Variants in ITPR2 observed in about 807,000 individuals in gnomAD.
ITPR2 encodes the protein inositol 1,4,5-trisphosphate-gated calcium channel ITPR2.
In ITPR2, 207 loss-of-function variants were observed where a neutral mutation model predicts 317.1. The ratio of observed to expected loss-of-function variants is 0.65; its 90% CI spans 0.58 to 0.73. The LOEUF (loss-of-function observed/expected upper bound fraction) is 0.73. ITPR2 is among the 30% of genes least tolerant of loss of function. The probability of loss-of-function intolerance (pLI) is 0.00; values close to 1 mark genes in which losing one functional copy is unlikely to be tolerated. For missense variants in ITPR2, 2,613 were observed against 3,284.0 expected (o/e 0.80, Z 4.99); for synonymous variants, 1,156 against 1,149.1 (o/e 1.01, Z -0.12).
At chr12:26,418,118 G>A (rs1330231042) in intron 50 of ITPR2, among the ~76,000 whole-genome samples, 2 of 152,168 alleles carry the variant, frequency 1.3e-5, no homozygotes, top group Admixed American at 6.5e-5. Context: ...TCAAATGTTT[G>A]AGGGTATATG....
chr12:26,744,885 T>A (rs1008868588), intron 2 of ITPR2, among the ~76,000 whole-genome samples: 1 of 152,316 alleles, frequency 6.6e-6, no homozygotes, highest in Non-Finnish European at 1.5e-5. Flanking sequence ...GAGGCTACTA[T>A]GAGATTTTAA....
chr12:26,460,856 C>T (rs1942001628), intron 45 of ITPR2, among the ~76,000 whole-genome samples: 1 of 152,130 alleles, frequency 6.6e-6, no homozygotes, highest in African/African-American at 2.4e-5. Flanking sequence ...AGCTAGGGTT[C>T]TTTGTTTGCC....
intron 24 of ITPR2, among the ~76,000 whole-genome samples, 154 bp downstream of exon 24, chr12:26,624,145 A>G (rs1333646291): frequency 6.6e-6 from 1 of 152,208 alleles, no homozygotes; most frequent in East Asian, 1.9e-4. Context: ...CCTCCAGAGT[A>G]AATTAGCAGC....
Position 26,411,411 on chromosome 12 carries a change from G to T in ITPR2, c.7308C>A (p.Gly2436=). ...AAGTCATAGTAGGCACTTGATGACT[G>T]CCTAAGAAAATACAAAGTAGTATAT... ...DRLKNRTPVT[G]SHQVPTMTLT... The change falls in exon 52 of 57, where the codon GGC becomes GGA. Residue 2436 remains glycine (G), a splice_region_variant and synonymous_variant. Coordinates refer to ENST00000381340, the MANE Select transcript of ITPR2 (RefSeq NM_002223.4). 6.2e-7 allele frequency: 1 copy of T among 1,603,866 alleles called. No homozygotes were observed. The highest frequency in any genetic ancestry group is 1.7e-5 in the Admixed American group (1 of 59,914).
intron 21 of ITPR2, among the ~76,000 whole-genome samples, chr12:26,642,350 G>A (rs1036148025): frequency 6.6e-6 from 1 of 152,166 alleles, no homozygotes; most frequent in Non-Finnish European, 1.5e-5. Flanking sequence ...CCTTTAAAGG[G>A]TATTGAAGTC....
At chr12:26,584,156 A>G (rs1307036861) in intron 32 of ITPR2, among the ~76,000 whole-genome samples, 3 of 152,206 alleles carry the variant, frequency 2.0e-5, no homozygotes, top group African/African-American at 4.8e-5. Context: ...AGAAAAATAA[A>G]GCAGGGCAAG....
intron 45 of ITPR2, among the ~76,000 whole-genome samples, chr12:26,450,400 G>A (rs548859797): frequency 1.3e-5 from 2 of 152,246 alleles, no homozygotes; most frequent in Non-Finnish European, 2.9e-5. Context: ...ATCCATTTGG[G>A]CATGGTGCCA....
At chr12:26,492,061 T>C (rs533349869) in intron 39 of ITPR2, among the ~76,000 whole-genome samples, 65 of 152,076 alleles carry the variant, frequency 4.3e-4, no homozygotes, top group African/African-American at 1.4e-3. Context: ...ACTTGGGAGT[T>C]AAGTAGAGGG....
At chr12:26,673,105 T>C (rs1947825008) in intron 13 of ITPR2, among the ~76,000 whole-genome samples, 1 of 152,344 alleles carries the variant, frequency 6.6e-6, no homozygotes, top group Admixed American at 6.5e-5. Context: ...AGCCGAATTC[T>C]ACCAGAGATA....
chr12:26,560,103 A>G (rs561328081), intron 35 of ITPR2, among the ~76,000 whole-genome samples: 6 of 152,320 alleles, frequency 3.9e-5, no homozygotes, highest in Non-Finnish European at 8.8e-5. Context: ...AATGGATATC[A>G]ATCTATTAAA....
chr12:26,698,705 C>T (rs895962), intron 9 of ITPR2, among the ~76,000 whole-genome samples: 128,597 of 152,064 alleles, frequency 0.85, 54,459 homozygotes, highest in Admixed American at 0.9. Flanking sequence ...AGGCTGGCCT[C>T]TGTCTACAGA....
chr12:26,434,163 C>G (rs1941292058), intron 48 of ITPR2, among the ~76,000 whole-genome samples: 1 of 152,074 alleles, frequency 6.6e-6, no homozygotes. Flanking sequence ...ACCAGTTGCA[C>G]CAGCAATACC....
rs1937899996 is a variant in ITPR2, at chr12:26,335,882, T to C, written c.*3515A>G. 1.3e-5 allele frequency: 2 copies of C among 152,186 alleles called. No individual in the cohort carries two copies. Among genetic ancestry groups the C allele is most frequent in the South Asian group, 4.1e-4 (2 of 4,830 alleles). 9.4% of individuals were successfully genotyped at this position (152,186 alleles called of 1,614,324 possible). On this transcript the variant is annotated 3_prime_UTR_variant, in exon 57 of 57. Coordinates refer to ENST00000381340, the MANE Select transcript of ITPR2 (RefSeq NM_002223.4). ...TCTGTCTCCTCTGCGGTGCACCGTG[T>C]CGTGTATCACAGCATATTGGAATGG...
chr12:26,753,547 C>T (rs964430638), intron 2 of ITPR2, among the ~76,000 whole-genome samples: 1 of 151,912 alleles, frequency 6.6e-6, no homozygotes, highest in East Asian at 1.9e-4. Flanking sequence ...CTAAGTAACT[C>T]GCCTTCCCCA....
In ITPR2 at chr12:26,575,181, G is replaced by C. The variant is rs193156157; in HGVS notation, c.4630+3532C>G. On this transcript the variant is annotated intron_variant, in intron 34 of 56. Coordinates refer to ENST00000381340, the MANE Select transcript of ITPR2 (RefSeq NM_002223.4). The stretch of plus-strand genomic sequence containing the variant: ...CGAGAAAGCTAGTGTGAGCCATGTG[G>C]GGGCATCCTAGATGTAACAGTGAGG... Among the ~76,000 whole-genome samples, 246 of 145,816 alleles carry C rather than the reference G, an allele frequency of 1.7e-3. 2 individuals are homozygous for C. Among genetic ancestry groups the C allele is most frequent in the Admixed American group, 0.015 (214 of 14,340 alleles).
In ITPR2 at chr12:26,466,100, A is replaced by C. The variant is rs111356546; in HGVS notation, c.6342+9196T>G. 2.3e-3 allele frequency among the ~76,000 whole-genome samples: 351 copies of C among 152,350 alleles called. 2 individuals are homozygous for C. The highest frequency in any genetic ancestry group is 7.8e-3 in the African/African-American group (324 of 41,576). On this transcript the variant is annotated intron_variant, in intron 45 of 56. Coordinates refer to ENST00000381340, the MANE Select transcript of ITPR2 (RefSeq NM_002223.4). ...CCTACATTATCAAAGTCTGTCTATAAGGTGAATATAATATCTATTTTCATA... is the reference window on the plus strand; with the variant it reads ...CCTACATTATCAAAGTCTGTCTATACGGTGAATATAATATCTATTTTCATA...
rs1195776226 is a variant in ITPR2, at chr12:26,461,249, T to TA, written c.6342+14046dup. 5.9e-5 allele frequency among the ~76,000 whole-genome samples: 9 copies of TA among 152,254 alleles called. No individual in the cohort carries two copies. In the East Asian group the frequency reaches 1.7e-3, roughly 29 times the overall value. On this transcript the variant is annotated intron_variant, in intron 45 of 56. Coordinates refer to ENST00000381340, the MANE Select transcript of ITPR2 (RefSeq NM_002223.4). ...TATAAATATAAGCATGAAAAATATT[T>TA]AAAAATAAATGACTCAGTTTTCACA...
rs1219877402 is a variant in ITPR2, at chr12:26,600,013, G to A, written c.3775C>T (p.His1259Tyr). 6.2e-7 allele frequency: 1 copy of A among 1,605,838 alleles called. No homozygotes were observed. Among genetic ancestry groups the A allele is most frequent in the Non-Finnish European group, 8.5e-7 (1 of 1,172,928 alleles). Residue 1259 changes from histidine to tyrosine, a missense_variant, in exon 29 of 57, where the codon CAT becomes TAT. This residue lies in a region of ITPR2 where 817 missense variants were observed against 897.6 expected (regional missense o/e 0.91). Transcript: ENST00000381340. ...CCTGGAGTTAAAAACAAATTCAGAT[G>A]TTTATGAAGAAGAACTTGATTCTGT... ...NPQNQVLLHK[H>Y]LNLFLTPGLL... is the part of the protein sequence containing the mutation.
intron 2 of ITPR2, among the ~76,000 whole-genome samples, chr12:26,781,454 T>C (rs567470665): frequency 3.3e-5 from 5 of 152,242 alleles, no homozygotes; most frequent in Non-Finnish European, 7.3e-5. Flanking sequence ...CATATCAGCA[T>C]TTAAGTATTC....
Sources: allele counts gnomAD v4.1 joint callset (sites outside exome capture counted in the v4.1 genomes callset), GRCh38; gene constraint gnomAD v4.1.1; regional missense constraint gnomAD v4.1.1; transcripts MANE v1.5; gene names NCBI Gene and HGNC (gene_info 2026-07-23, HGNC 2026-07-21).